The following DGUOK variants were observed in gnomAD, a reference collection of about 807,000 sequenced individuals.
The protein encoded by DGUOK is deoxyguanosine kinase.
DGUOK carries 30 observed loss-of-function variants against 36.6 expected under a neutral mutation model. That is an observed-to-expected ratio of 0.82 (90% CI 0.61 to 1.11). DGUOK has a LOEUF of 1.11. Among genes scored for constraint, DGUOK ranks in the 50% most tolerant of loss-of-function variants. The probability of loss-of-function intolerance (pLI) is 0.00; values close to 1 mark genes in which losing one functional copy is unlikely to be tolerated. For synonymous variants in DGUOK, 145 were observed against 126.3 expected, an observed-to-expected ratio of 1.15 and a Z score of -0.99; for missense variants, 361 against 336.4, an observed-to-expected ratio of 1.07 and a Z score of -0.57.
rs371838982 is a variant in DGUOK at position 73,935,808 on chromosome 2, C to T, written c.143-3102C>T. 3.3e-5 allele frequency among the ~76,000 whole-genome samples: 5 copies of T among 152,224 alleles called. No homozygotes were observed. The East Asian group carries it at 7.7e-4, about 24-fold the overall frequency. On this transcript the variant is annotated intron_variant, in intron 1 of 6. Transcript: ENST00000264093. ...GGAATGGGGCATGGGTTACAGAGTA[C>T]CCTGAGTATTAGGTGTTATTGTTCC...
intron 4 of DGUOK, 126 bp from the exon 5 acceptor site, chr2:73,956,999 A>T: frequency 1.4e-6 from 1 of 702,762 alleles, no homozygotes; most frequent in Non-Finnish European, 2.6e-6. Flanking sequence ...ACAAGACAGC[A>T]GAAGCAAAGG....
chr2:73,927,678 T>A (rs1011362675), intron 1 of DGUOK, among the ~76,000 whole-genome samples: 1 of 152,246 alleles, frequency 6.6e-6, no homozygotes, highest in African/African-American at 2.4e-5. Context: ...AACCTCACTT[T>A]TTAAACTTAA....
At chr2:73,958,392 G>A in intron 6 of DGUOK, 147 bp downstream of exon 6, 1 of 721,672 alleles carries the variant, frequency 1.4e-6, no homozygotes, top group Non-Finnish European at 2.5e-6. Context: ...GGAATCTTGT[G>A]CAGATTACAA....
At chr2:73,944,370 G>A (rs1319074685) in intron 2 of DGUOK, among the ~76,000 whole-genome samples, 1 of 152,176 alleles carries the variant, frequency 6.6e-6, no homozygotes. Context: ...TAGGTTTACT[G>A]CATTATACAG....
intron 3 of DGUOK, among the ~76,000 whole-genome samples, chr2:73,948,260 C>T (rs1447855487): frequency 6.6e-6 from 1 of 152,094 alleles, no homozygotes; most frequent in East Asian, 1.9e-4. Flanking sequence ...TATTTCTAGC[C>T]GCTTCATGAA....
chr2:73,956,486 G>A lies in DGUOK; in HGVS notation c.592-639G>A, dbSNP rs376496662. Among the ~76,000 whole-genome samples the A allele has an allele frequency of 6.6e-5, 10 of 152,304 alleles. No homozygotes were observed. In the South Asian group the frequency reaches 1.7e-3, roughly 25 times the overall value. ...GTCATTATATTGCCGTACTACAGAC[G>A]GGTGGAGTGAAGGGGAAAAACTGGA... On this transcript the variant is annotated intron_variant, in intron 4 of 6. Transcript: ENST00000264093.
chr2:73,935,056 A>G (rs1346848587), intron 1 of DGUOK, among the ~76,000 whole-genome samples: 1 of 150,692 alleles, frequency 6.6e-6, no homozygotes, highest in Non-Finnish European at 1.5e-5. Context: ...AGCCTGGGCA[A>G]CAGCTAGACT....
intron 6 of DGUOK, 149 bp from the exon 7 acceptor site, chr2:73,958,561 C>A: frequency 1.4e-6 from 1 of 717,366 alleles, no homozygotes. Flanking sequence ...GCTATATGAC[C>A]CTGGGCTGCC....
At chr2:73,947,856 C>A (rs1329871691) in intron 3 of DGUOK, 1 of 152,170 alleles carries the variant, frequency 6.6e-6, no homozygotes, top group African/African-American at 2.4e-5. Context: ...ATTGTCACTG[C>A]TGAAGACACT....
rs556607501 is a variant in DGUOK, at chr2:73,934,072, A to G, written c.143-4838A>G. 1.3e-3 allele frequency among the ~76,000 whole-genome samples: 192 copies of G among 152,306 alleles called. 1 individual carries two copies. The highest frequency in any genetic ancestry group is 1.8e-3 in the Non-Finnish European group (125 of 68,026). On this transcript the variant is annotated intron_variant, in intron 1 of 6. Transcript: ENST00000264093. ...CTAGAGGTGATAAATATAGGCTCCTATGAAATACAGCTGTATTAGACGTAA... is the reference window on the plus strand; with the variant it reads ...CTAGAGGTGATAAATATAGGCTCCTGTGAAATACAGCTGTATTAGACGTAA...
Position 73,958,740 on chromosome 2 carries a change from A to G in DGUOK, c.*4A>G, listed in dbSNP as rs1267388951. On this transcript the variant is annotated 3_prime_UTR_variant, in exon 7 of 7. Coordinates refer to ENST00000264093, the MANE Select transcript of DGUOK (RefSeq NM_080916.3). ...CACCTTTGTAAAGAATCTGTAACCAATACCATGAAGTTCAGGCTGTGATCT... is the reference window on the plus strand; with the variant it reads ...CACCTTTGTAAAGAATCTGTAACCAGTACCATGAAGTTCAGGCTGTGATCT... 15 of 1,611,466 alleles carry G rather than the reference A, an allele frequency of 9.3e-6. No individual in the cohort carries two copies. Among genetic ancestry groups the G allele is most frequent in the East Asian group, 2.2e-5 (1 of 44,894 alleles).
Position 73,926,976 on chromosome 2 carries a change from A to C in DGUOK, c.66A>C (p.Pro22=). 1 of 1,612,766 alleles carries C rather than the reference A, an allele frequency of 6.2e-7. No individual in the cohort carries two copies. Among genetic ancestry groups the C allele is most frequent in the Non-Finnish European group, 8.5e-7 (1 of 1,180,004 alleles). The change falls in exon 1 of 7, where the codon CCA becomes CCC. Residue 22 remains proline, a synonymous_variant. Coordinates refer to ENST00000264093, the MANE Select transcript of DGUOK (RefSeq NM_080916.3). ...RAPFSSMAKS[P]LEGVSSSRGL... is the part of the protein sequence containing the mutation. ...CCTTCAGTTCCATGGCCAAGAGCCC[A>C]CTCGAGGGCGTTTCCTCCTCCAGAG...
intron 1 of DGUOK, chr2:73,932,627 G>A (rs888741892): frequency 5.4e-6 from 7 of 1,298,410 alleles, no homozygotes; most frequent in South Asian, 1.2e-5. Context: ...CAGAATGAGA[G>A]CACCCATTCA....
chr2:73,932,750 C>T (rs906655735), intron 1 of DGUOK: 113 of 829,576 alleles, frequency 1.4e-4, no homozygotes, highest in Admixed American at 3.6e-4. Flanking sequence ...CCTGAAGGTG[C>T]AGACAGCGGC....
At chr2:73,942,844 C>T (rs1208974630) in intron 2 of DGUOK, among the ~76,000 whole-genome samples, 4 of 152,112 alleles carry the variant, frequency 2.6e-5, no homozygotes, top group East Asian at 1.9e-4. Flanking sequence ...TTCAGTAGAC[C>T]GTGTGGTACA....
intron 2 of DGUOK, among the ~76,000 whole-genome samples, chr2:73,945,883 C>T (rs989512156): frequency 6.6e-6 from 1 of 151,940 alleles, no homozygotes; most frequent in African/African-American, 2.4e-5. Context: ...ATTAGCTTGT[C>T]GTGGTGGCGG....
At chr2:73,948,069 A>C (rs1017240133) in intron 3 of DGUOK, 1 of 152,208 alleles carries the variant, frequency 6.6e-6, no homozygotes, top group Non-Finnish European at 1.5e-5. Context: ...GAGAGAGCCT[A>C]CTTTTTATAA....
rs768441359 is a variant in DGUOK at position 73,939,043 on chromosome 2, G to A, written c.255+21G>A. The stretch of plus-strand genomic sequence containing the variant: ...AAAAAGTAAGTTTTTAGTTGTGGTG[G>A]GTAGTTGGCAGGCATGGGTGAATAA... On this transcript the variant is annotated intron_variant, in intron 2 of 6. Coordinates refer to ENST00000264093, the MANE Select transcript of DGUOK (RefSeq NM_080916.3). The A allele has an allele frequency of 1.1e-5, 16 of 1,515,178 alleles. 1 individual carries two copies. The South Asian group carries it at 1.1e-4, about 11-fold the overall frequency. The allele number at this position is 1,515,178 out of a possible 1,614,324, so 93.9% of individuals were successfully genotyped here. A position where few individuals can be genotyped will look rare whatever the true frequency, so the allele number is the denominator to read the frequency against.
In DGUOK at chr2:73,946,855, T is replaced by A; in HGVS notation, c.392T>A (p.Leu131Ter). 6.2e-7 allele frequency: 1 copy of A among 1,613,876 alleles called. No homozygotes were observed. The highest frequency in any genetic ancestry group is 1.3e-5 in the African/African-American group (1 of 75,026). ...CTGGAGCCCTTCCCTGAGAAACTCT[T>A]ACAGGCCAGGAAGCCAGTACAGATC... ...VQLEPFPEKL[L>*]QARKPVQIFE... The change falls in exon 3 of 7, where the codon TTA (leucine) becomes TAA (stop). Residue 131 changes from leucine to a stop codon, truncating the protein, a stop_gained. Coordinates refer to ENST00000264093, the MANE Select transcript of DGUOK (RefSeq NM_080916.3). LOFTEE classifies it high-confidence loss of function.
Sources: allele counts gnomAD v4.1 joint callset (sites outside exome capture counted in the v4.1 genomes callset), GRCh38; gene constraint gnomAD v4.1.1; transcripts MANE v1.5; gene names NCBI Gene and HGNC (gene_info 2026-07-23, HGNC 2026-07-21).